LMF1: variants seen among roughly 807,000 people sequenced by gnomAD.
The protein encoded by LMF1 is lipase maturation factor 1.
In LMF1, 68 loss-of-function variants were observed where a neutral mutation model predicts 60.6. The ratio of observed to expected loss-of-function variants is 1.12; its 90% CI spans 0.92 to 1.37. The LOEUF (loss-of-function observed/expected upper bound fraction) is 1.37, where lower values mean the gene tolerates loss of function less well. Among genes scored for constraint, LMF1 ranks in the 40% most tolerant of loss-of-function variants. LMF1 has a pLI of 0.00. For missense variants in LMF1, 948 were observed against 767.2 expected, an observed-to-expected ratio of 1.24 and a Z score of -2.78; for synonymous variants, 418 against 324.7, an observed-to-expected ratio of 1.29 and a Z score of -3.09.
chr16:969,490 C>A (rs561820070), intron 1 of LMF1, among the ~76,000 whole-genome samples: 1 of 152,218 alleles, frequency 6.6e-6, no homozygotes, highest in Non-Finnish European at 1.5e-5. Flanking sequence ...AAACGTCGAA[C>A]TGAGCATCAC....
At chr16:894,443 T>G in intron 4 of LMF1, among the ~76,000 whole-genome samples, 1 of 144,388 alleles carries the variant, frequency 6.9e-6, no homozygotes, top group South Asian at 2.3e-4. Flanking sequence ...CACCTGGCCG[T>G]CCGCCCACCC....
At chr16:890,967 C>T (rs948202743) in intron 5 of LMF1, among the ~76,000 whole-genome samples, 4 of 152,208 alleles carry the variant, frequency 2.6e-5, no homozygotes, top group African/African-American at 9.7e-5. Context: ...TCCACCGTCT[C>T]GGGCCATGTC....
chr16:874,842 C>T lies in LMF1; in HGVS notation c.898-3501G>A, dbSNP rs2069924805. Among the ~76,000 whole-genome samples, 1 of 152,032 alleles carries T rather than the reference C, an allele frequency of 6.6e-6. No homozygotes were observed. Among genetic ancestry groups the T allele is most frequent in the East Asian group, 1.9e-4 (1 of 5,190 alleles). ...CGCGGCACAGGGGAGTACGCAGCCC[C>T]AGCCAGGACACTACAATGTTAGAGG... On this transcript the variant is annotated intron_variant, in intron 6 of 10. Transcript: ENST00000262301. The surrounding 1 kb of genome is among the most constrained non-coding windows in gnomAD (Gnocchi z 4.1).
At chr16:863,176 T>C (rs2069516368) in intron 10 of LMF1, among the ~76,000 whole-genome samples, 1 of 152,232 alleles carries the variant, frequency 6.6e-6, no homozygotes, top group Non-Finnish European at 1.5e-5. Context: ...ATATCTCTTT[T>C]TCGTTTCGAG....
In LMF1 at chr16:897,347, G is replaced by A. The variant is rs180989108; in HGVS notation, c.664-4275C>T. ...TGTGTACCCTTGCACAGTGGCTCAG[G>A]ACAGACCCCCAGCCCCTACAGTCCC... On this transcript the variant is annotated intron_variant, in intron 4 of 10. Transcript: ENST00000262301. This position sits in a 1 kb window ranked among gnomAD's most constrained non-coding sequence, Gnocchi z 4.3. 2.0e-5 allele frequency among the ~76,000 whole-genome samples: 3 copies of A among 152,296 alleles called. No individual in the cohort carries two copies. Among genetic ancestry groups the A allele is most frequent in the African/African-American group, 7.2e-5 (3 of 41,562 alleles).
intron 4 of LMF1, among the ~76,000 whole-genome samples, chr16:895,052 C>A (rs530952505): frequency 2.6e-5 from 4 of 152,164 alleles, no homozygotes; most frequent in Non-Finnish European, 5.9e-5. Context: ...GCTGAGGAGG[C>A]CGCGGGGGGA....
intron 4 of LMF1, 139 bp from the exon 5 acceptor site, chr16:893,211 T>TTA (rs745846273): frequency 2.9e-5 from 22 of 748,460 alleles, no homozygotes; most frequent in Non-Finnish European, 4.5e-5. Flanking sequence ...GGAGGGGACC[T>TTA]TACGTATGAA....
At chr16:871,099 G>A (rs975033150) in intron 7 of LMF1, 62 bp downstream of exon 7, 3 of 1,478,634 alleles carry the variant, frequency 2.0e-6, no homozygotes, top group Non-Finnish European at 2.7e-6. Flanking sequence ...GGCAGGCTGT[G>A]GGGCTGGCAC....
At chr16:896,204 T>C (rs1168737966) in intron 4 of LMF1, among the ~76,000 whole-genome samples, 1 of 103,404 alleles carries the variant, frequency 9.7e-6, no homozygotes, top group African/African-American at 5.2e-5. Context: ...CAGACACGCC[T>C]TGGAGGGGTT....
intron 3 of LMF1, among the ~76,000 whole-genome samples, chr16:920,016 A>G (rs1225413628): frequency 6.6e-6 from 1 of 152,018 alleles, no homozygotes; most frequent in African/African-American, 2.4e-5. Context: ...GTCGGCCCCC[A>G]GCACAACATC....
At chr16:879,994 C>A (rs1417535328) in intron 5 of LMF1, among the ~76,000 whole-genome samples, 1 of 152,210 alleles carries the variant, frequency 6.6e-6, no homozygotes, top group Non-Finnish European at 1.5e-5. Flanking sequence ...AGAATACACA[C>A]CCCAGCTGAA....
At chr16:869,860 GC>G (rs2069725400) in intron 9 of LMF1, 22 bp downstream of exon 9, 2 of 1,602,484 alleles carry the variant, frequency 1.2e-6, no homozygotes. Flanking sequence ...AGGTCCATGC[GC>G]CCGCCAGGGA....
chr16:975,032 C>T (rs1367353963), upstream of LMF1, among the ~76,000 whole-genome samples: 4 of 152,188 alleles, frequency 2.6e-5, no homozygotes, highest in Admixed American at 6.5e-5. Context: ...CCACCCCCCA[C>T]GTGAGGCTGG....
At chr16:886,387 C>T (rs1260522380) in intron 5 of LMF1, among the ~76,000 whole-genome samples, 2 of 152,136 alleles carry the variant, frequency 1.3e-5, no homozygotes, top group South Asian at 4.1e-4. Context: ...TCCAGGCCCA[C>T]GGAAGGTCGG....
intron 10 of LMF1, chr16:855,922 G>C (rs1472545075): frequency 4.4e-6 from 2 of 455,844 alleles, no homozygotes; most frequent in African/African-American, 2.0e-5. Context: ...GGGTCCACCC[G>C]GCTCCTCCTG....
At position 958,909 on chromosome 16, in the gene LMF1, C is replaced by CA. The variant is rs34918785; in HGVS notation, c.194-4244dup. 3.8e-4 allele frequency among the ~76,000 whole-genome samples: 57 copies of CA among 150,610 alleles called. No homozygotes were observed. In the East Asian group the frequency reaches 9.7e-3, roughly 26 times the overall value. Reference sequence around the variant, plus strand: ...CAAAAAAAAAACCAAAAAAACAAAACAAAAAAAACACGAACATGGACAGTG... The same window carrying CA: ...CAAAAAAAAAACCAAAAAAACAAAACAAAAAAAAACACGAACATGGACAGTG... On this transcript the variant is annotated intron_variant, in intron 1 of 10. Coordinates refer to ENST00000262301, the MANE Select transcript of LMF1 (RefSeq NM_022773.4).
At position 939,264 on chromosome 16, in the gene LMF1, T is replaced by C. The variant is rs537656268; in HGVS notation, c.504-5010A>G. On this transcript the variant is annotated intron_variant, in intron 2 of 10. Transcript: ENST00000262301. Reference sequence around the variant, plus strand: ...GGACAACAGCACGCTGTCCCCGCCGTGAGCACGAACCCTGGGTGCAGGCTG... The same window carrying C: ...GGACAACAGCACGCTGTCCCCGCCGCGAGCACGAACCCTGGGTGCAGGCTG... 1.4e-4 allele frequency among the ~76,000 whole-genome samples: 21 copies of C among 152,298 alleles called. 1 individual carries two copies. Among genetic ancestry groups the C allele is most frequent in the African/African-American group, 5.1e-4 (21 of 41,558 alleles).
chr16:870,504 G>T (rs1239080270), intron 8 of LMF1, among the ~76,000 whole-genome samples: 1 of 152,236 alleles, frequency 6.6e-6, no homozygotes, highest in African/African-American at 2.4e-5. Context: ...CCTGCCTGGT[G>T]ACCTCGGGCC....
At chr16:861,875 G>A (rs1479043432) in intron 10 of LMF1, among the ~76,000 whole-genome samples, 1 of 152,196 alleles carries the variant, frequency 6.6e-6, no homozygotes, top group East Asian at 1.9e-4. Context: ...AATGGTGAAG[G>A]GTGATTCCTT....
Sources: allele counts gnomAD v4.1 joint callset (sites outside exome capture counted in the v4.1 genomes callset), GRCh38; gene constraint gnomAD v4.1.1; non-coding constraint Gnocchi (gnomAD v3.1); transcripts MANE v1.5; gene names NCBI Gene and HGNC (gene_info 2026-07-23, HGNC 2026-07-21).